The following SEMA3D variants were observed in gnomAD, a reference collection of about 807,000 sequenced individuals.
SEMA3D encodes semaphorin-3D.
SEMA3D carries 84 observed loss-of-function variants against 100.1 expected under a neutral mutation model. The ratio of observed to expected loss-of-function variants is 0.84; its 90% CI spans 0.70 to 1.01. The LOEUF (loss-of-function observed/expected upper bound fraction) is 1.01, where lower values mean the gene tolerates loss of function less well. SEMA3D is among the 50% of genes least tolerant of loss of function. SEMA3D has a pLI of 0.00. For synonymous variants in SEMA3D, 312 were observed against 320.7 expected (o/e 0.97, Z 0.29); for missense variants, 875 against 934.1 (o/e 0.94, Z 0.82).
intron 4 of SEMA3D, among the ~76,000 whole-genome samples, chr7:85,094,587 A>G (rs914084387): frequency 7.9e-5 from 12 of 151,906 alleles, no homozygotes. Context: ...TTCATCTCAG[A>G]GTTGGCTTCT....
intron 1 of SEMA3D, among the ~76,000 whole-genome samples, chr7:85,158,591 C>A (rs1161617272): frequency 1.3e-5 from 2 of 152,180 alleles, no homozygotes; most frequent in Admixed American, 1.3e-4. Context: ...TGTGATCTCA[C>A]CCTGACTCTG....
chr7:85,087,068 T>C (rs1400506924), intron 4 of SEMA3D, among the ~76,000 whole-genome samples: 1 of 152,234 alleles, frequency 6.6e-6, no homozygotes, highest in Non-Finnish European at 1.5e-5. Flanking sequence ...TACACTGTAG[T>C]GTGTCTTGCA....
chr7:85,043,181 GATCTC>G (rs1447873192), intron 9 of SEMA3D, among the ~76,000 whole-genome samples: 1 of 151,976 alleles, frequency 6.6e-6, no homozygotes, highest in East Asian at 1.9e-4. Flanking sequence ...AACATAGTGG[GATCTC>G]ATCTCTACAA....
At chr7:85,197,563 T>G in the SEMA3D span, among the ~76,000 whole-genome samples, 3 of 148,890 alleles carry the variant, frequency 2.0e-5, no homozygotes, top group African/African-American at 7.4e-5. Context: ...GTCCCTAAAA[T>G]GTATAAAACC....
intron 2 of SEMA3D, among the ~76,000 whole-genome samples, chr7:85,137,646 A>G (rs1789907169): frequency 6.6e-6 from 1 of 152,022 alleles, no homozygotes; most frequent in African/African-American, 2.4e-5. Flanking sequence ...CTGGAAATGG[A>G]TAATTTGTTT....
intron 9 of SEMA3D, among the ~76,000 whole-genome samples, chr7:85,052,843 C>T (rs966361770): frequency 6.6e-6 from 1 of 151,800 alleles, no homozygotes; most frequent in Non-Finnish European, 1.5e-5. Context: ...AAATAATAAA[C>T]AAAAGAGTTA....
intron 9 of SEMA3D, among the ~76,000 whole-genome samples, chr7:85,053,556 T>C (rs1258171539): frequency 2.6e-5 from 4 of 152,052 alleles, no homozygotes; most frequent in Non-Finnish European, 5.9e-5. Context: ...ATAAAGATTT[T>C]AAGTCATTTT....
chr7:85,217,392 T>C, the SEMA3D span, among the ~76,000 whole-genome samples: 3 of 152,062 alleles, frequency 2.0e-5, no homozygotes, highest in Non-Finnish European at 4.4e-5. Context: ...AGGTGAGTGA[T>C]AGAAATAGGG....
the SEMA3D span, among the ~76,000 whole-genome samples, chr7:85,197,711 C>G: frequency 3.3e-5 from 5 of 152,078 alleles, no homozygotes; most frequent in East Asian, 1.9e-4. Context: ...CATTGGCAAC[C>G]CTTTGGCAGT....
At chr7:85,143,556 G>T (rs915806182) in intron 2 of SEMA3D, among the ~76,000 whole-genome samples, 2 of 151,970 alleles carry the variant, frequency 1.3e-5, no homozygotes, top group Admixed American at 6.6e-5. Flanking sequence ...ACATAGAAGA[G>T]ATACAACAAA....
chr7:85,081,313 T>C (rs1788057834), intron 5 of SEMA3D, among the ~76,000 whole-genome samples: 1 of 152,226 alleles, frequency 6.6e-6, no homozygotes, highest in Non-Finnish European at 1.5e-5. Flanking sequence ...AGAGTGTTTC[T>C]ACATTTCTTA....
chr7:85,007,528 T>C (rs1321878639), intron 17 of SEMA3D, among the ~76,000 whole-genome samples: 1 of 151,838 alleles, frequency 6.6e-6, no homozygotes, highest in Non-Finnish European at 1.5e-5. Flanking sequence ...TTTTCTTTTT[T>C]ATACTGAGGG....
At chr7:85,124,442 A>C (rs1415109084) in intron 2 of SEMA3D, among the ~76,000 whole-genome samples, 1 of 152,076 alleles carries the variant, frequency 6.6e-6, no homozygotes, top group Non-Finnish European at 1.5e-5. Context: ...CATTGGCATC[A>C]TATCTAATCG....
intron 3 of SEMA3D, among the ~76,000 whole-genome samples, chr7:85,100,935 T>G (rs1788724207): frequency 6.6e-6 from 1 of 151,940 alleles, no homozygotes; most frequent in African/African-American, 2.4e-5. Flanking sequence ...CTTTGTGTAT[T>G]GGATAGAAGT....
intron 2 of SEMA3D, among the ~76,000 whole-genome samples, chr7:85,128,031 CTT>C (rs538316570): frequency 6.9e-6 from 1 of 144,752 alleles, no homozygotes. Context: ...GGTATATCTG[CTT>C]TTTTTTTTAT....
In SEMA3D at chr7:85,050,293, G is replaced by T. The variant is rs537057123; in HGVS notation, c.861+5424C>A. On this transcript the variant is annotated intron_variant, in intron 9 of 18. Coordinates refer to ENST00000284136, the MANE Select transcript of SEMA3D (RefSeq NM_001384900.1). The stretch of plus-strand genomic sequence containing the variant: ...AAGATCTGTGTTATTTACCATCTAC[G>T]AGAGCAGTTCTTTGGGGTGTAAGTT... 1.2e-3 allele frequency: 177 copies of T among 153,022 alleles called. 5 individuals carry two copies. The South Asian group carries it at 0.035, about 30-fold the overall frequency. 9.5% of individuals were successfully genotyped at this position (153,022 alleles called of 1,614,324 possible). A position where few individuals can be genotyped will look rare whatever the true frequency, so the allele number is the denominator to read the frequency against.
At chr7:85,107,426 A>G (rs17159620) in intron 3 of SEMA3D, among the ~76,000 whole-genome samples, 3,365 of 152,182 alleles carry the variant, frequency 0.022, 117 homozygotes, top group African/African-American at 0.076. Context: ...CTTCGATTTC[A>G]GGTACTATTC....
intron 2 of SEMA3D, chr7:85,141,383 T>C (rs1790048749): frequency 1.1e-5 from 11 of 984,200 alleles, no homozygotes; most frequent in African/African-American, 1.7e-5. Flanking sequence ...CAGTTTTTAT[T>C]GGAATCCAGA....
chr7:84,997,892 TAAAC>T lies in SEMA3D; in HGVS notation c.*1544_*1547del, dbSNP rs1426012299. The T allele has an allele frequency of 6.6e-6, 1 of 152,190 alleles. No individual in the cohort carries two copies. Among genetic ancestry groups the T allele is most frequent in the Non-Finnish European group, 1.5e-5 (1 of 67,980 alleles). The allele number at this position is 152,190 out of a possible 1,614,324, so 9.4% of individuals were successfully genotyped here. On this transcript the variant is annotated 3_prime_UTR_variant, in exon 19 of 19. Coordinates refer to ENST00000284136, the MANE Select transcript of SEMA3D (RefSeq NM_001384900.1). ...ACAAGAAGGAAAGGTGAGTTCTGCT[TAAAC>T]AGACAGGAAACACACCATGCATATT...
Sources: gnomAD v4.1 joint callset for allele counts (sites outside exome capture counted in the v4.1 genomes callset) on GRCh38, gnomAD v4.1.1 for gene constraint, MANE v1.5 for transcripts, NCBI Gene and HGNC (gene_info 2026-07-23, HGNC 2026-07-21) for gene names.